The following EGFR variants were observed in gnomAD, a reference collection of about 807,000 sequenced individuals.
EGFR encodes the protein epidermal growth factor receptor.
A neutral mutation model predicts 143.0 loss-of-function variants in EGFR; 58 were observed. That is an observed-to-expected ratio of 0.41 (90% CI 0.33 to 0.50). The LOEUF (loss-of-function observed/expected upper bound fraction) is 0.50, where lower values mean the gene tolerates loss of function less well. EGFR is among the 20% of genes least tolerant of loss of function. The pLI, the probability that EGFR is intolerant of heterozygous loss-of-function variation, is 0.39. For missense variants in EGFR, 1,307 were observed against 1,579.0 expected (o/e 0.83, Z 2.92); for synonymous variants, 613 against 594.4 (o/e 1.03, Z -0.45).
At chr7:55,057,679 T>A (rs1315305056) in intron 1 of EGFR, among the ~76,000 whole-genome samples, 1 of 152,244 alleles carries the variant, frequency 6.6e-6, no homozygotes, top group Non-Finnish European at 1.5e-5. Context: ...CTTAACATTC[T>A]CGGTACTTGA....
At chr7:55,138,703 T>C (rs1301363426) in intron 1 of EGFR, among the ~76,000 whole-genome samples, 1 of 152,250 alleles carries the variant, frequency 6.6e-6, no homozygotes, top group African/African-American at 2.4e-5. Flanking sequence ...AAAGCTTATA[T>C]ATTTTTTCAA....
In EGFR at chr7:55,071,406, C is replaced by G. The variant is rs1789819625; in HGVS notation, c.88+52041C>G. ...AATTGTATTTTGCCTATTCTTTTTTCATTATTCGGAACCTTCAAGAAATAA... is the reference window on the plus strand; with the variant it reads ...AATTGTATTTTGCCTATTCTTTTTTGATTATTCGGAACCTTCAAGAAATAA... On this transcript the variant is annotated intron_variant, in intron 1 of 27. Coordinates refer to ENST00000275493, the MANE Select transcript of EGFR (RefSeq NM_005228.5). Among the ~76,000 whole-genome samples, 5 of 152,134 alleles carry G rather than the reference C, an allele frequency of 3.3e-5. No individual in the cohort carries two copies. The South Asian group carries it at 1.0e-3, about 32-fold the overall frequency.
At chr7:55,129,115 G>A (rs944651485) in intron 1 of EGFR, among the ~76,000 whole-genome samples, 2 of 152,234 alleles carry the variant, frequency 1.3e-5, no homozygotes, top group East Asian at 3.8e-4. Context: ...AAAATGTGCT[G>A]TGAAATAATA....
intron 1 of EGFR, among the ~76,000 whole-genome samples, chr7:55,086,614 G>A (rs949383366): frequency 5.3e-5 from 8 of 152,176 alleles, no homozygotes; most frequent in African/African-American, 1.7e-4. Context: ...CCAGTCACCC[G>A]GGTCTGGGGC....
intron 24 of EGFR, 63 bp from the exon 25 acceptor site, chr7:55,201,125 T>A (rs2128971339): frequency 6.2e-7 from 1 of 1,609,780 alleles, no homozygotes; most frequent in Non-Finnish European, 8.5e-7. Flanking sequence ...CCTGCTCCTA[T>A]AGCCAAGAAG....
chr7:55,027,680 A>G (rs1786971993), intron 1 of EGFR, among the ~76,000 whole-genome samples: 1 of 152,328 alleles, frequency 6.6e-6, no homozygotes, highest in East Asian at 1.9e-4. Context: ...TGACTACTTC[A>G]CATCCTTTAA....
rs571502588 is a variant in EGFR at position 55,203,911 on chromosome 7, T to C, written c.3271+1286T>C. On this transcript the variant is annotated intron_variant, in intron 27 of 27. Transcript: ENST00000275493. ...TGTAGTTTATTAGCTATCTAATATC[T>C]ATGTCATATATATCAAAATCTTTAT... 1.3e-4 allele frequency among the ~76,000 whole-genome samples: 19 copies of C among 151,322 alleles called. No individual in the cohort carries two copies. In the South Asian group the frequency reaches 3.8e-3, roughly 30 times the overall value.
At chr7:55,185,612 C>A (rs2075102) in intron 20 of EGFR, among the ~76,000 whole-genome samples, 79,443 of 151,932 alleles carry the variant, frequency 0.52, 21,534 homozygotes, top group Middle Eastern at 0.66. Context: ...ACAGAGCTTT[C>A]TCATCACCTA....
At chr7:55,143,256 C>A (rs552793085) in intron 2 of EGFR, 49 bp from the exon 3 acceptor site, 3 of 1,610,574 alleles carry the variant, frequency 1.9e-6, no homozygotes, top group South Asian at 2.2e-5. Flanking sequence ...ACCTTGAGTT[C>A]TTGAGTTCCT....
chr7:55,055,769 C>A (rs1338849099), intron 1 of EGFR, among the ~76,000 whole-genome samples: 1 of 151,654 alleles, frequency 6.6e-6, no homozygotes, highest in Admixed American at 6.6e-5. Context: ...TGCCATCTAC[C>A]CTGGACTTCA....
chr7:55,099,306 GC>G (rs1791666404), intron 1 of EGFR, among the ~76,000 whole-genome samples: 1 of 152,188 alleles, frequency 6.6e-6, no homozygotes, highest in African/African-American at 2.4e-5. Context: ...GTTAGGCAGA[GC>G]CATCTGACTT....
chr7:55,062,140 G>T (rs1583942210), intron 1 of EGFR, among the ~76,000 whole-genome samples: 1 of 152,206 alleles, frequency 6.6e-6, no homozygotes, highest in East Asian at 1.9e-4. Context: ...GATGTCCAAG[G>T]CTAGAAAGAT....
chr7:55,151,482 G>C, intron 5 of EGFR, 120 bp downstream of exon 5: 1 of 1,028,490 alleles, frequency 9.7e-7, no homozygotes. Context: ...TACAGGGTCA[G>C]ATGTGAACCA....
At chr7:55,189,416 A>G (rs999119208) in intron 20 of EGFR, among the ~76,000 whole-genome samples, 5 of 66,402 alleles carry the variant, frequency 7.5e-5, no homozygotes, top group Middle Eastern at 8.2e-3. Flanking sequence ...TGCTATCACC[A>G]GTCATTCAAT....
intron 1 of EGFR, among the ~76,000 whole-genome samples, chr7:55,028,926 G>A (rs1224400895): frequency 1.3e-5 from 2 of 152,222 alleles, no homozygotes; most frequent in South Asian, 2.1e-4. Flanking sequence ...TTCAGAGGCC[G>A]AGGCGGGCGG....
chr7:55,147,489 G>A (rs1027185547), intron 4 of EGFR, among the ~76,000 whole-genome samples: 3 of 140,300 alleles, frequency 2.1e-5, no homozygotes, highest in Non-Finnish European at 4.6e-5. Context: ...GTGGATGCCT[G>A]TTTGTTTTCT....
intron 1 of EGFR, among the ~76,000 whole-genome samples, chr7:55,083,032 TCTCCTTATGAGGACAC>T (rs368668604): frequency 0.013 from 2,043 of 152,282 alleles, 36 homozygotes; most frequent in African/African-American, 0.046. Context: ...TGTGTTTCCA[TCTCCTTATGAGGACAC>T]CCATCACTGA....
intron 3 of EGFR, 65 bp from the exon 4 acceptor site, chr7:55,146,541 T>C: frequency 1.9e-6 from 3 of 1,609,648 alleles, no homozygotes; most frequent in South Asian, 2.2e-5. Flanking sequence ...GAAGAGCACA[T>C]GCATCCTTCA....
chr7:55,101,952 G>T (rs1791857888), intron 1 of EGFR, among the ~76,000 whole-genome samples: 1 of 152,138 alleles, frequency 6.6e-6, no homozygotes, highest in Non-Finnish European at 1.5e-5. Context: ...AGGGGAAGAG[G>T]TTGTGCTATG....
Sources: gnomAD v4.1 joint callset for allele counts (sites outside exome capture counted in the v4.1 genomes callset) on GRCh38, gnomAD v4.1.1 for gene constraint, MANE v1.5 for transcripts, NCBI Gene and HGNC (gene_info 2026-07-23, HGNC 2026-07-21) for gene names.